Variants in AUTS2 observed in about 807,000 individuals in gnomAD.
The protein encoded by AUTS2 is activator of transcription and developmental regulator AUTS2, also known as autism susceptibility gene 2 protein.
A neutral mutation model predicts 112.4 loss-of-function variants in AUTS2; 17 were observed. The ratio of observed to expected loss-of-function variants is 0.15; its 90% CI spans 0.10 to 0.23. The LOEUF is 0.23. AUTS2 is among the 10% of genes least tolerant of loss of function. The pLI, the probability that AUTS2 is intolerant of heterozygous loss-of-function variation, is 1.00. For missense variants in AUTS2, 1,510 were observed against 1,701.6 expected (o/e 0.89, Z 1.98); for synonymous variants, 751 against 702.7 (o/e 1.07, Z -1.09).
chr7:70,045,877 C>G (rs544911582), intron 2 of AUTS2, among the ~76,000 whole-genome samples: 1 of 150,570 alleles, frequency 6.6e-6, no homozygotes, highest in African/African-American at 2.4e-5. Flanking sequence ...CCGCCTGCCT[C>G]GGCCTCCCAA....
chr7:69,847,174 G>A (rs913535796), intron 1 of AUTS2, among the ~76,000 whole-genome samples: 2 of 152,046 alleles, frequency 1.3e-5, no homozygotes, highest in African/African-American at 4.8e-5. Flanking sequence ...TAGAACATAC[G>A]ACGTAGAGAT....
chr7:70,487,198 C>T (rs1012888248), intron 5 of AUTS2, among the ~76,000 whole-genome samples: 2 of 152,090 alleles, frequency 1.3e-5, no homozygotes, highest in South Asian at 2.1e-4. Flanking sequence ...TTTTCTGACT[C>T]ATCTACCTCA....
intron 1 of AUTS2, among the ~76,000 whole-genome samples, chr7:69,764,884 C>A (rs1788352886): frequency 6.6e-6 from 1 of 152,144 alleles, no homozygotes; most frequent in Non-Finnish European, 1.5e-5. Flanking sequence ...GGCCCTAAGG[C>A]CTGTGGAACC....
At chr7:70,266,227 C>T (rs1421593267) in intron 4 of AUTS2, among the ~76,000 whole-genome samples, 1 of 152,108 alleles carries the variant, frequency 6.6e-6, no homozygotes, top group Non-Finnish European at 1.5e-5. Context: ...GAATGGAGTA[C>T]CACACGTGCT....
intron 5 of AUTS2, among the ~76,000 whole-genome samples, chr7:70,449,339 AG>A (rs998871857): frequency 6.6e-6 from 1 of 152,218 alleles, no homozygotes; most frequent in African/African-American, 2.4e-5. Context: ...CTAAGATCCA[AG>A]GGAGAGATTC....
At chr7:70,011,314 TCTCTCCTCTC>T (rs71068006) in intron 2 of AUTS2, among the ~76,000 whole-genome samples, 8,197 of 110,556 alleles carry the variant, frequency 0.074, 457 homozygotes, top group African/African-American at 0.15. Flanking sequence ...TCTCCTTTCC[TCTCTCCTCTC>T]CTCTCCTCTC....
At chr7:69,631,161 A>G (rs896736322) in intron 1 of AUTS2, among the ~76,000 whole-genome samples, 2 of 151,878 alleles carry the variant, frequency 1.3e-5, no homozygotes, top group Non-Finnish European at 2.9e-5. Flanking sequence ...GGAGCAGAAG[A>G]TTTTGTGTAC....
intron 1 of AUTS2, among the ~76,000 whole-genome samples, chr7:69,863,885 GA>G (rs1296898102): frequency 2.0e-5 from 3 of 152,214 alleles, no homozygotes; most frequent in Non-Finnish European, 4.4e-5. Context: ...GGGAGAGGCT[GA>G]CCATACAGAC....
At chr7:70,717,668 A>G (rs1810454636) in intron 6 of AUTS2, among the ~76,000 whole-genome samples, 1 of 152,168 alleles carries the variant, frequency 6.6e-6, no homozygotes, top group African/African-American at 2.4e-5. Context: ...TTTATCCACT[A>G]TCTGTGTAGC....
At chr7:69,894,430 A>G (rs1180829107) in intron 1 of AUTS2, among the ~76,000 whole-genome samples, 1 of 152,106 alleles carries the variant, frequency 6.6e-6, no homozygotes, top group Non-Finnish European at 1.5e-5. Context: ...AGAAAAGCAT[A>G]TGGATTTTGA....
At chr7:70,780,120 T>G (rs1388970163) in intron 14 of AUTS2, among the ~76,000 whole-genome samples, 4 of 151,664 alleles carry the variant, frequency 2.6e-5, no homozygotes, top group East Asian at 3.9e-4. Flanking sequence ...CAAGGGAAAT[T>G]CAACTAGAAG....
rs183779235 is a variant in AUTS2, at chr7:69,648,763, G to A, written c.309+48801G>A. Among the ~76,000 whole-genome samples, 63 of 152,220 alleles carry A rather than the reference G, an allele frequency of 4.1e-4. 2 individuals are homozygous for A. The highest frequency in any genetic ancestry group is 7.4e-4 in the Non-Finnish European group (50 of 68,022). ...TGAAGGGACCTGTTATTGATTATAC[G>A]TCTTACATTCTTGCCTTTCTTGTGG... On this transcript the variant is annotated intron_variant, in intron 1 of 18. Transcript: ENST00000342771.
intron 5 of AUTS2, among the ~76,000 whole-genome samples, chr7:70,681,612 AC>A (rs1216474374): frequency 2.0e-5 from 3 of 151,842 alleles, no homozygotes; most frequent in Non-Finnish European, 4.4e-5. Flanking sequence ...CACCACTACC[AC>A]CCCAACCCGC....
intron 1 of AUTS2, among the ~76,000 whole-genome samples, chr7:69,858,329 G>A (rs778758401): frequency 2.0e-5 from 3 of 152,196 alleles, no homozygotes; most frequent in Non-Finnish European, 4.4e-5. Context: ...ACCAGTATGA[G>A]GGTGGAGCTT....
chr7:70,745,738 A>G (rs1434157042), intron 6 of AUTS2, among the ~76,000 whole-genome samples: 4 of 152,180 alleles, frequency 2.6e-5, no homozygotes, highest in African/African-American at 9.6e-5. Context: ...AGAATCTTTT[A>G]TGATTTAAAA....
At chr7:70,739,983 C>T (rs980566607) in intron 6 of AUTS2, among the ~76,000 whole-genome samples, 3 of 152,128 alleles carry the variant, frequency 2.0e-5, no homozygotes, top group African/African-American at 7.2e-5. Context: ...TCATCCACTA[C>T]CAAGGAAGCA....
At chr7:70,757,066 T>G (rs2129556135) in intron 6 of AUTS2, among the ~76,000 whole-genome samples, 1 of 152,250 alleles carries the variant, frequency 6.6e-6, no homozygotes, top group South Asian at 2.1e-4. Context: ...CCATAGGGAG[T>G]AGTATCCTCC....
chr7:70,493,857 G>C (rs1205109204), intron 5 of AUTS2, among the ~76,000 whole-genome samples: 1 of 151,914 alleles, frequency 6.6e-6, no homozygotes, highest in Non-Finnish European at 1.5e-5. Context: ...TTATTGCTAG[G>C]GTGTTTTGAA....
At chr7:69,689,997 CCTTA>C (rs200811565) in intron 1 of AUTS2, among the ~76,000 whole-genome samples, 2,221 of 152,152 alleles carry the variant, frequency 0.015, 30 homozygotes, top group South Asian at 0.022. Context: ...CCGGCCAACT[CCTTA>C]CTTCTATTTA....
Sources: gnomAD v4.1 joint callset for allele counts (sites outside exome capture counted in the v4.1 genomes callset) on GRCh38, gnomAD v4.1.1 for gene constraint, MANE v1.5 for transcripts, NCBI Gene and HGNC (gene_info 2026-07-23, HGNC 2026-07-21) for gene names.